ACTR3C: variants seen among roughly 807,000 people sequenced by gnomAD.
ACTR3C encodes actin related protein 3C.
In ACTR3C, 18 loss-of-function variants were observed where a neutral mutation model predicts 26.3. That is an observed-to-expected ratio of 0.68 (90% confidence interval 0.47 to 1.01). The LOEUF (loss-of-function observed/expected upper bound fraction) is 1.01, where lower values mean the gene tolerates loss of function less well. Among genes scored for constraint, ACTR3C ranks in the 50% least tolerant of loss-of-function variants. ACTR3C has a pLI of 0.00. For synonymous variants in ACTR3C, 55 were observed against 94.5 expected (o/e 0.58, Z 2.42); for missense variants, 184 against 250.7 (o/e 0.73, Z 1.80).
intron 6 of ACTR3C, among the ~76,000 whole-genome samples, chr7:150,267,428 G>A (rs556418958): frequency 1.3e-5 from 2 of 152,316 alleles, no homozygotes; most frequent in East Asian, 1.9e-4. Flanking sequence ...TCTTCTCTTT[G>A]TCCAGCATGT....
At chr7:150,106,142 C>A in the ACTR3C span, among the ~76,000 whole-genome samples, 2 of 151,788 alleles carry the variant, frequency 1.3e-5, no homozygotes, top group African/African-American at 2.4e-5. Context: ...ATGTTTCCTG[C>A]AAGTCTAAAT....
At chr7:149,923,831 C>G in the ACTR3C span, among the ~76,000 whole-genome samples, 4,346 of 151,732 alleles carry the variant, frequency 0.029, 280 homozygotes, top group East Asian at 0.28. Flanking sequence ...AACCCCGTCT[C>G]TACTAAAAAC....
the ACTR3C span, among the ~76,000 whole-genome samples, chr7:150,209,907 A>T: frequency 7.0e-6 from 1 of 142,954 alleles, no homozygotes; most frequent in African/African-American, 2.8e-5. Context: ...TGACAGAGCG[A>T]GACTGGGTCT....
the ACTR3C span, among the ~76,000 whole-genome samples, chr7:150,161,219 TA>T: frequency 8.7e-6 from 1 of 115,290 alleles, no homozygotes; most frequent in Non-Finnish European, 1.8e-5. Context: ...TATATATATA[TA>T]TATATTTATT....
At chr7:150,151,923 T>G in the ACTR3C span, among the ~76,000 whole-genome samples, 1 of 138,424 alleles carries the variant, frequency 7.2e-6, no homozygotes, top group African/African-American at 2.5e-5. Flanking sequence ...GATGCAGGAT[T>G]CCAGCGTTTA....
the ACTR3C span, among the ~76,000 whole-genome samples, chr7:150,013,703 G>C: frequency 8.5e-5 from 13 of 152,342 alleles, no homozygotes; most frequent in Admixed American, 2.6e-4. Context: ...CCCTGGAGCT[G>C]TCCCCATAAC....
the ACTR3C span, among the ~76,000 whole-genome samples, chr7:150,111,648 G>A: frequency 4.4e-5 from 5 of 114,856 alleles, no homozygotes; most frequent in East Asian, 7.0e-4. Flanking sequence ...TCCTGCACAC[G>A]CTCACCCACA....
the ACTR3C span, among the ~76,000 whole-genome samples, chr7:150,191,060 G>A: frequency 1.3e-5 from 2 of 152,144 alleles, no homozygotes; most frequent in Admixed American, 6.5e-5. Flanking sequence ...ATGAGATTTG[G>A]GTGTGGACAC....
the ACTR3C span, among the ~76,000 whole-genome samples, chr7:150,180,370 C>T: frequency 1.8e-4 from 27 of 150,718 alleles, no homozygotes; most frequent in African/African-American, 6.7e-4. Context: ...ACATAAAGTG[C>T]TAAATTCATT....
chr7:150,239,637 G>T (rs1832074195), downstream of ACTR3C, among the ~76,000 whole-genome samples: 1 of 145,676 alleles, frequency 6.9e-6, no homozygotes. Context: ...AGTCATTGAG[G>T]CTCTTTTTAT....
chr7:150,161,918 A>AT, the ACTR3C span, among the ~76,000 whole-genome samples: 1 of 152,034 alleles, frequency 6.6e-6, no homozygotes, highest in Admixed American at 6.6e-5. Flanking sequence ...TGGACTAACA[A>AT]TAACAAAGTC....
chr7:149,983,120 C>T, the ACTR3C span, among the ~76,000 whole-genome samples: 373 of 152,102 alleles, frequency 2.5e-3, no homozygotes, highest in African/African-American at 8.6e-3. Flanking sequence ...AAAAACAACT[C>T]AAAATATATT....
the ACTR3C span, among the ~76,000 whole-genome samples, chr7:150,206,423 T>C: frequency 6.6e-6 from 1 of 151,742 alleles, no homozygotes; most frequent in Non-Finnish European, 1.5e-5. Context: ...TTTATTATTA[T>C]TTTTTTTGAG....
chr7:150,036,629 A>G, the ACTR3C span, among the ~76,000 whole-genome samples: 1 of 142,986 alleles, frequency 7.0e-6, no homozygotes, highest in South Asian at 2.2e-4. Context: ...ACGAAACCCC[A>G]CAGCTCCTAA....
chr7:150,003,326 G>A, the ACTR3C span, among the ~76,000 whole-genome samples: 5 of 152,010 alleles, frequency 3.3e-5, no homozygotes, highest in Admixed American at 3.3e-4. Context: ...TGTGTGGTGT[G>A]TATGATGTCG....
At chr7:150,035,957 G>A in the ACTR3C span, among the ~76,000 whole-genome samples, 63 of 121,364 alleles carry the variant, frequency 5.2e-4, 11 homozygotes, top group African/African-American at 1.8e-3. Context: ...CAGAGCCAGG[G>A]CGGGAAGAGG....
chr7:150,033,110 C>A, the ACTR3C span, among the ~76,000 whole-genome samples: 244 of 152,214 alleles, frequency 1.6e-3, 1 homozygote, highest in African/African-American at 5.4e-3. Context: ...TCAGCCTGAA[C>A]GGGGAGTGGG....
At chr7:149,938,132 T>A in the ACTR3C span, among the ~76,000 whole-genome samples, 48 of 152,240 alleles carry the variant, frequency 3.2e-4, no homozygotes, top group African/African-American at 1.2e-3. Flanking sequence ...CAGAGAAAAG[T>A]CCATCAAATA....
the ACTR3C span, among the ~76,000 whole-genome samples, chr7:150,130,705 T>A: frequency 5.3e-5 from 8 of 152,194 alleles, no homozygotes; most frequent in Non-Finnish European, 8.8e-5. Context: ...TTTATTCAAA[T>A]TAGCTAAGAA....
Sources: allele counts gnomAD v4.1 joint callset (sites outside exome capture counted in the v4.1 genomes callset), GRCh38; gene constraint gnomAD v4.1.1; transcripts MANE v1.5; gene names NCBI Gene and HGNC (gene_info 2026-07-23, HGNC 2026-07-21).